Variants in ABCG5 observed in about 807,000 individuals in gnomAD.
ABCG5 encodes ATP-binding cassette sub-family G member 5.
A neutral mutation model predicts 64.5 loss-of-function variants in ABCG5; 64 were observed. The ratio of observed to expected loss-of-function variants is 0.99; its 90% confidence interval spans 0.81 to 1.22. ABCG5 has a LOEUF of 1.22. ABCG5 is among the 50% of genes most tolerant of loss of function. ABCG5 has a pLI of 0.00. For missense variants in ABCG5, 908 were observed against 829.5 expected, an observed-to-expected ratio of 1.09 and a Z score of -1.16; for synonymous variants, 385 against 326.3, an observed-to-expected ratio of 1.18 and a Z score of -1.94.
intron 4 of ABCG5, among the ~76,000 whole-genome samples, chr2:43,829,224 C>CTAAA (rs1664683209): frequency 1.3e-5 from 2 of 152,146 alleles, no homozygotes; most frequent in African/African-American, 4.8e-5. Context: ...AAAAATCCAA[C>CTAAA]CTGATTTGAA....
Position 43,831,989 on chromosome 2 carries a change from C to T in ABCG5, c.360G>A (p.Leu120=), listed in dbSNP as rs1484331270. 4 of 1,554,704 alleles carry T rather than the reference C, an allele frequency of 2.6e-6. No homozygotes were observed. Among genetic ancestry groups the T allele is most frequent in the East Asian group, 2.4e-5 (1 of 41,482 alleles). The change falls in exon 3 of 13, where the codon CTG becomes CTA. Residue 120 remains leucine, a synonymous_variant. Coordinates refer to ENST00000405322, the MANE Select transcript of ABCG5 (RefSeq NM_022436.3). ...AGCAGTCCTGGAACTGCTCCCGGCG[C>T]AGCGCCCGGCCGTTCACATACACCT... ...LGEVYVNGRA[L]RREQFQDCFS...
chr2:43,818,316 C>T (rs1456231650), intron 11 of ABCG5, among the ~76,000 whole-genome samples: 1 of 152,104 alleles, frequency 6.6e-6, no homozygotes, highest in Non-Finnish European at 1.5e-5. Context: ...TGGTGGCGCA[C>T]ACCTGTAATC....
Position 43,819,910 on chromosome 2 carries a change from C to G in ABCG5, c.1649+5G>C. The G allele has an allele frequency of 1.2e-6, 2 of 1,614,074 alleles. No individual in the cohort carries two copies. The highest frequency in any genetic ancestry group is 1.7e-6 in the Non-Finnish European group (2 of 1,180,000). ...ATCTAAATTTTTTGAATTATGATAT[C>G]TTACCTGAGGAATCCAGATCCAACA... On this transcript the variant is annotated splice_donor_5th_base_variant and intron_variant, in intron 11 of 12. Transcript: ENST00000405322.
intron 10 of ABCG5, among the ~76,000 whole-genome samples, chr2:43,820,851 G>GA (rs1667147854): frequency 6.6e-6 from 1 of 151,966 alleles, no homozygotes; most frequent in Non-Finnish European, 1.5e-5. Flanking sequence ...ATGGGGTTTT[G>GA]CCATATTGGC....
At chr2:43,824,715 T>G (rs1039828858) in intron 7 of ABCG5, 174 bp downstream of exon 7, 1 of 928,912 alleles carries the variant, frequency 1.1e-6, no homozygotes. Flanking sequence ...GACCTCATTC[T>G]GATAGTCATC....
intron 10 of ABCG5, among the ~76,000 whole-genome samples, chr2:43,820,810 C>T (rs1215063307): frequency 6.6e-6 from 1 of 152,108 alleles, no homozygotes; most frequent in Non-Finnish European, 1.5e-5. Flanking sequence ...CGCACCACCA[C>T]ACCCAGCTAA....
In ABCG5 at chr2:43,824,440, T is replaced by C. The variant is rs1667460777; in HGVS notation, c.905-8A>G. 1 of 1,613,270 alleles carries C rather than the reference T, an allele frequency of 6.2e-7. No individual in the cohort carries two copies. The highest frequency in any genetic ancestry group is 1.3e-5 in the African/African-American group (1 of 74,910). ...CCACTGACGTCAGGTCCACTAAAAG[T>C]TTTTCCCAAAAGATGTCACCCATGT... On this transcript the variant is annotated splice_polypyrimidine_tract_variant and splice_region_variant and intron_variant, in intron 7 of 12. Coordinates refer to ENST00000405322, the MANE Select transcript of ABCG5 (RefSeq NM_022436.3).
Position 43,828,198 on chromosome 2 carries a change from G to C in ABCG5, c.502-83C>G. ...CATGGGCTGGGGAGGACATGAAAGA[G>C]GCAGCACACCGCCCAAGAATCCAAG... On this transcript the variant is annotated intron_variant, in intron 4 of 12. Transcript: ENST00000405322. 1.3e-6 allele frequency: 2 copies of C among 1,596,806 alleles called. 1 individual carries two copies. Among genetic ancestry groups the C allele is most frequent in the Non-Finnish European group, 1.7e-6 (2 of 1,172,254 alleles).
At chr2:43,827,821 A>G (rs1558754003) in intron 5 of ABCG5, among the ~76,000 whole-genome samples, 162 bp downstream of exon 5, 1 of 152,202 alleles carries the variant, frequency 6.6e-6, no homozygotes, top group Non-Finnish European at 1.5e-5. Context: ...TGAACTGTAC[A>G]GCATTTCCAA....
chr2:43,823,980 G>A lies in ABCG5; in HGVS notation c.1257C>T (p.Arg419=), dbSNP rs978671799. The change falls in exon 9 of 13, where the codon CGC becomes CGT. Residue 419 remains arginine (R), a synonymous_variant. Coordinates refer to ENST00000405322, the MANE Select transcript of ABCG5 (RefSeq NM_022436.3). ...SNVLKGAIQD[R]VGLLYQFVGA... ...CCACAAACTGGTAAAGGAGACCTACGCGGTCCTGGATAGCACCCTTTAGCA... is the reference window on the plus strand; with the variant it reads ...CCACAAACTGGTAAAGGAGACCTACACGGTCCTGGATAGCACCCTTTAGCA... 7 of 1,614,202 alleles carry A rather than the reference G, an allele frequency of 4.3e-6. No individual in the cohort carries two copies. The East Asian group carries it at 6.7e-5, about 15-fold the overall frequency.
chr2:43,822,220 C>T lies in ABCG5; in HGVS notation c.1463+577G>A, dbSNP rs143063616. ...CTGACTTGCACCCCCATGACTCTACCGAAGCTCTTTTTTGGGAAATTGCAA... is the reference window on the plus strand; with the variant it reads ...CTGACTTGCACCCCCATGACTCTACTGAAGCTCTTTTTTGGGAAATTGCAA... On this transcript the variant is annotated intron_variant, in intron 10 of 12. Transcript: ENST00000405322. Among the ~76,000 whole-genome samples, 434 of 152,238 alleles carry T rather than the reference C, an allele frequency of 2.9e-3. 3 individuals carry two copies. Among genetic ancestry groups the T allele is most frequent in the Middle Eastern group, 6.8e-3 (2 of 294 alleles).
rs1668408581 is a variant in ABCG5, at chr2:43,838,252, C to T, written c.143+285G>A. On this transcript the variant is annotated intron_variant, in intron 1 of 12. Coordinates refer to ENST00000405322, the MANE Select transcript of ABCG5 (RefSeq NM_022436.3). This position sits in a 1 kb window ranked among gnomAD's most constrained non-coding sequence, Gnocchi z 4.2. Reference sequence around the variant, plus strand: ...TCAAGACTCCTTGCATTCGCAGTACCCCCATTCCCATCCACAGAGGGCAGG... The same window carrying T: ...TCAAGACTCCTTGCATTCGCAGTACTCCCATTCCCATCCACAGAGGGCAGG... The T allele has an allele frequency of 3.4e-6, 2 of 595,442 alleles. No homozygotes were observed. The highest frequency in any genetic ancestry group is 2.8e-5 in the East Asian group (1 of 35,210). The allele number at this position is 595,442 out of a possible 1,614,324, so 36.9% of individuals were successfully genotyped here. A position where few individuals can be genotyped will look rare whatever the true frequency, so the allele number is the denominator to read the frequency against.
chr2:43,827,655 C>G (rs565772332), intron 5 of ABCG5, among the ~76,000 whole-genome samples: 1 of 152,238 alleles, frequency 6.6e-6, no homozygotes, highest in South Asian at 2.1e-4. Flanking sequence ...ATTGGCTTTC[C>G]CCAGCCCACA....
downstream of ABCG5, among the ~76,000 whole-genome samples, chr2:43,810,701 C>T (rs1335061380): frequency 6.6e-6 from 1 of 152,176 alleles, no homozygotes; most frequent in Non-Finnish European, 1.5e-5. Context: ...AAATTATTTG[C>T]AGTACGTATG....
chr2:43,816,160 T>A (rs1235358973), intron 11 of ABCG5, among the ~76,000 whole-genome samples: 1 of 152,206 alleles, frequency 6.6e-6, no homozygotes, highest in Non-Finnish European at 1.5e-5. Flanking sequence ...GCAGTGTGTA[T>A]ACAGTTCAAA....
At chr2:43,838,990 G>T, upstream of ABCG5, 2 of 1,498,064 alleles carry the variant, frequency 1.3e-6, no homozygotes, top group South Asian at 2.4e-5. The surrounding 1 kb of genome is among the most constrained non-coding windows in gnomAD (Gnocchi z 4.2). Flanking sequence ...GAAGACACTG[G>T]CCCTGGCAGG....
At chr2:43,810,460 G>A (rs191674482), downstream of ABCG5, 288 of 985,368 alleles carry the variant, frequency 2.9e-4, 1 homozygote, top group Middle Eastern at 0.013. Context: ...TTCCAAGGTG[G>A]GATAGCCTTT....
At chr2:43,818,897 T>C (rs988735989) in intron 11 of ABCG5, among the ~76,000 whole-genome samples, 1 of 152,184 alleles carries the variant, frequency 6.6e-6, no homozygotes, top group African/African-American at 2.4e-5. Flanking sequence ...ATGAGGAAAC[T>C]AATTTAGATA....
At chr2:43,815,595 A>T (rs935970052) in intron 11 of ABCG5, among the ~76,000 whole-genome samples, 1 of 152,202 alleles carries the variant, frequency 6.6e-6, no homozygotes, top group Non-Finnish European at 1.5e-5. Flanking sequence ...ATTGAAAAGG[A>T]TACGTGGGAC....
Sources: allele counts gnomAD v4.1 joint callset (sites outside exome capture counted in the v4.1 genomes callset), GRCh38; gene constraint gnomAD v4.1.1; non-coding constraint Gnocchi (gnomAD v3.1); transcripts MANE v1.5; gene names NCBI Gene and HGNC (gene_info 2026-07-23, HGNC 2026-07-21).